Variants in LGR4 observed in about 807,000 individuals in gnomAD.
The protein encoded by LGR4 is leucine rich repeat containing G protein-coupled receptor 4.
A neutral mutation model predicts 84.8 loss-of-function variants in LGR4; 44 were observed. That is an observed-to-expected ratio of 0.52 (90% CI 0.41 to 0.67). The LOEUF is 0.67. Ranked by LOEUF, LGR4 falls within the 30% of genes least tolerant of loss-of-function variation. LGR4 has a pLI of 0.00. For missense variants in LGR4, 1,032 were observed against 1,131.4 expected (o/e 0.91, Z 1.26); for synonymous variants, 429 against 434.3 (o/e 0.99, Z 0.15).
chr11:27,453,791 C>A (rs1590406400), intron 1 of LGR4, among the ~76,000 whole-genome samples: 2 of 152,082 alleles, frequency 1.3e-5, no homozygotes, highest in Admixed American at 1.3e-4. Context: ...ATTCTGTAAA[C>A]CAAAAATAAA....
Position 27,385,248 on chromosome 11 carries a change from C to T in LGR4, c.617+5G>A, listed in dbSNP as rs1863163813. 1.7e-5 allele frequency: 26 copies of T among 1,532,406 alleles called. No individual in the cohort carries two copies. Among genetic ancestry groups the T allele is most frequent in the Non-Finnish European group, 2.3e-5 (26 of 1,132,190 alleles). 94.9% of individuals were successfully genotyped at this position (1,532,406 alleles called of 1,614,324 possible). On this transcript the variant is annotated splice_donor_5th_base_variant and intron_variant, in intron 5 of 17. Transcript: ENST00000379214. Reference sequence around the variant, plus strand: ...TATATGGAATTAAAAGGGATAGATACTTACAGAACTACCAGGCTTGAAAGG... The same window carrying T: ...TATATGGAATTAAAAGGGATAGATATTTACAGAACTACCAGGCTTGAAAGG...
intron 2 of LGR4, among the ~76,000 whole-genome samples, chr11:27,403,935 G>A (rs1863552134): frequency 3.3e-5 from 5 of 152,158 alleles, no homozygotes; most frequent in Admixed American, 2.0e-4. Context: ...CAAACTAACA[G>A]GTAGTGAACA....
chr11:27,399,521 T>C (rs1416383286), intron 2 of LGR4, among the ~76,000 whole-genome samples: 1 of 152,020 alleles, frequency 6.6e-6, no homozygotes, highest in African/African-American at 2.4e-5. Flanking sequence ...ACTTTTTTTT[T>C]TTTTTCTTTT....
intron 4 of LGR4, 99 bp from the exon 5 acceptor site, chr11:27,385,567 T>C (rs1863173091): frequency 9.9e-6 from 7 of 704,026 alleles, no homozygotes; most frequent in East Asian, 8.3e-5. Context: ...AAAGGACTTA[T>C]AAAAATTATC....
At chr11:27,378,123 A>T (rs984865794) in intron 11 of LGR4, among the ~76,000 whole-genome samples, 2 of 152,150 alleles carry the variant, frequency 1.3e-5, no homozygotes, top group African/African-American at 4.8e-5. Flanking sequence ...ATTTCTTAGA[A>T]TGTATTCCTA....
At chr11:27,380,517 T>G (rs1863071869) in intron 9 of LGR4, 123 bp downstream of exon 9, 6 of 792,326 alleles carry the variant, frequency 7.6e-6, no homozygotes, top group Admixed American at 2.8e-5. Context: ...CAATTATAAA[T>G]TCTGCCCAAG....
At chr11:27,389,799 T>G (rs145862978) in intron 4 of LGR4, among the ~76,000 whole-genome samples, 1 of 152,128 alleles carries the variant, frequency 6.6e-6, no homozygotes, top group Non-Finnish European at 1.5e-5. Flanking sequence ...AGAGAGTGTG[T>G]GAAGTCAGCC....
At chr11:27,371,887 T>C (rs1170530174) in intron 16 of LGR4, among the ~76,000 whole-genome samples, 189 bp from the exon 17 acceptor site, 1 of 152,158 alleles carries the variant, frequency 6.6e-6, no homozygotes, top group African/African-American at 2.4e-5. Flanking sequence ...AGAGACAAGG[T>C]CTTGCTCTGT....
At chr11:27,428,390 C>T (rs546613609) in intron 1 of LGR4, among the ~76,000 whole-genome samples, 5 of 152,160 alleles carry the variant, frequency 3.3e-5, no homozygotes, top group East Asian at 1.9e-4. Flanking sequence ...CTGCCTGCCT[C>T]GGCCTCCCAA....
At chr11:27,428,909 G>GT (rs1864069948) in intron 1 of LGR4, among the ~76,000 whole-genome samples, 1 of 152,242 alleles carries the variant, frequency 6.6e-6, no homozygotes, top group African/African-American at 2.4e-5. Flanking sequence ...TGACATGGTG[G>GT]TTTTTTTGTC....
chr11:27,411,529 A>T (rs1245125717), intron 2 of LGR4, among the ~76,000 whole-genome samples: 1 of 152,108 alleles, frequency 6.6e-6, no homozygotes, highest in African/African-American at 2.4e-5. Context: ...TTTATATAAC[A>T]TTCATTCTGT....
At chr11:27,398,272 A>G (rs1863427715) in intron 2 of LGR4, among the ~76,000 whole-genome samples, 2 of 152,214 alleles carry the variant, frequency 1.3e-5, no homozygotes, top group Non-Finnish European at 2.9e-5. Flanking sequence ...CACATGTCAG[A>G]TGGTAATCTG....
At chr11:27,468,021 C>T (rs1864811766) in intron 1 of LGR4, among the ~76,000 whole-genome samples, 1 of 151,984 alleles carries the variant, frequency 6.6e-6, no homozygotes, top group Non-Finnish European at 1.5e-5. Flanking sequence ...ACCTGACCTG[C>T]CAGGAAATAC....
chr11:27,454,547 G>A (rs1288692253), intron 1 of LGR4, among the ~76,000 whole-genome samples: 1 of 152,140 alleles, frequency 6.6e-6, no homozygotes, highest in African/African-American at 2.4e-5. Flanking sequence ...ATTGCCTGAG[G>A]TCAGGAGTTC....
chr11:27,393,955 C>T (rs914949979), intron 2 of LGR4, among the ~76,000 whole-genome samples: 1 of 36,414 alleles, frequency 2.7e-5, no homozygotes, highest in Non-Finnish European at 5.1e-5. Flanking sequence ...GGGGGGGGGG[C>T]GCGGGAAGGG....
chr11:27,395,151 A>G (rs886234223), intron 2 of LGR4, among the ~76,000 whole-genome samples: 2 of 152,180 alleles, frequency 1.3e-5, no homozygotes, highest in Admixed American at 6.5e-5. Flanking sequence ...CATAAGAGGC[A>G]GTAGCCATCT....
At chr11:27,443,847 G>A (rs940119763) in intron 1 of LGR4, among the ~76,000 whole-genome samples, 1 of 152,056 alleles carries the variant, frequency 6.6e-6, no homozygotes, top group African/African-American at 2.4e-5. Context: ...GGAAAAAGAC[G>A]GCCCAATAAT....
At position 27,400,090 on chromosome 11, in the gene LGR4, A is replaced by C. The variant is rs181383238; in HGVS notation, c.258-7572T>G. ...GAAAATGTGAAATCTGAAATGCTCC[A>C]AAATTTGAAGCTTTTTGAGTGTTGA... On this transcript the variant is annotated intron_variant, in intron 2 of 17. Transcript: ENST00000379214. 1.6e-3 allele frequency among the ~76,000 whole-genome samples: 243 copies of C among 152,352 alleles called. 2 individuals carry two copies. The highest frequency in any genetic ancestry group is 8.8e-5 in the Non-Finnish European group (6 of 68,042).
chr11:27,422,820 C>T (rs1863946887), intron 1 of LGR4, among the ~76,000 whole-genome samples: 1 of 152,098 alleles, frequency 6.6e-6, no homozygotes, highest in African/African-American at 2.4e-5. Flanking sequence ...CATGGGCCCC[C>T]TAAAACTGAC....
Sources: gnomAD v4.1 joint callset for allele counts (sites outside exome capture counted in the v4.1 genomes callset) on GRCh38, gnomAD v4.1.1 for gene constraint, MANE v1.5 for transcripts, NCBI Gene and HGNC (gene_info 2026-07-23, HGNC 2026-07-21) for gene names.